CCNG1: variants seen among roughly 807,000 people sequenced by gnomAD.
CCNG1 encodes the protein cyclin-G1.
In CCNG1, 13 loss-of-function variants were observed where a neutral mutation model predicts 30.0. The observed-to-expected ratio is 0.43, with a 90% CI of 0.28 to 0.69. The LOEUF is 0.69. CCNG1 is among the 30% of genes least tolerant of loss of function. The pLI, the probability that CCNG1 is intolerant of heterozygous loss-of-function variation, is 0.16. For missense variants in CCNG1, 285 were observed against 331.4 expected (o/e 0.86, Z 1.09); for synonymous variants, 110 against 121.5 (o/e 0.91, Z 0.62).
chr5:163,451,523 A>G, the CCNG1 span: 1 of 152,228 alleles, frequency 6.6e-6, no homozygotes, highest in Non-Finnish European at 1.5e-5. Flanking sequence ...AGTTAATTTT[A>G]CTTTACTCAA....
chr5:163,437,671 C>G lies in CCNG1; in HGVS notation c.-134C>G, dbSNP rs1757550243. ...TGCCGAGGCCTCCACCCAGGACAGT[C>G]CCCCTCCCCGGGCCTCTCTCCTCTT... is the stretch of plus-strand genomic sequence containing the variant. On this transcript the variant is annotated 5_prime_UTR_variant, in exon 1 of 7. Coordinates refer to ENST00000340828, the MANE Select transcript of CCNG1 (RefSeq NM_004060.4). 1.3e-5 allele frequency: 2 copies of G among 152,324 alleles called. No homozygotes were observed. 9.4% of individuals were successfully genotyped at this position (152,324 alleles called of 1,614,324 possible). A position where few individuals can be genotyped will look rare whatever the true frequency, so the allele number is the denominator to read the frequency against.
downstream of CCNG1, chr5:163,447,592 A>C (rs1207978992): frequency 6.6e-6 from 1 of 152,242 alleles, no homozygotes; most frequent in Non-Finnish European, 1.5e-5. Context: ...GGAAAATGGA[A>C]TAATACTAAT....
At chr5:163,450,519 T>A (rs1258202063), downstream of CCNG1, 1 of 152,170 alleles carries the variant, frequency 6.6e-6, no homozygotes, top group Non-Finnish European at 1.5e-5. Context: ...ATAATTTGAA[T>A]AAACACTGCT....
chr5:163,442,204 A>G (rs2113368337), intron 5 of CCNG1, 61 bp downstream of exon 5: 2 of 1,207,162 alleles, frequency 1.7e-6, no homozygotes, highest in South Asian at 1.4e-5. Flanking sequence ...AACCCCTTCT[A>G]TCTCCTGAAG....
the CCNG1 span, chr5:163,454,102 C>T: frequency 1.1e-6 from 1 of 906,514 alleles, no homozygotes. Context: ...AGGAAAAATA[C>T]AAGTACAAAC....
rs1333871794 is a variant in CCNG1 at position 163,444,422 on chromosome 5, CTATTG to C, written c.*757_*761del. On this transcript the variant is annotated 3_prime_UTR_variant, in exon 7 of 7. Transcript: ENST00000340828. ...TGAATCCCATCAAGAAAACTAGTTT[CTATTG>C]TATTAGTAACTCAAAATAAATTATC... 6.6e-6 allele frequency: 1 copy of C among 152,582 alleles called. No individual in the cohort carries two copies. Among genetic ancestry groups the C allele is most frequent in the Non-Finnish European group, 1.5e-5 (1 of 68,010 alleles). The allele number at this position is 152,582 out of a possible 1,614,324, so 9.5% of individuals were successfully genotyped here.
chr5:163,443,989 G>C lies in CCNG1; in HGVS notation c.*319G>C. On this transcript the variant is annotated 3_prime_UTR_variant, in exon 7 of 7. Coordinates refer to ENST00000340828, the MANE Select transcript of CCNG1 (RefSeq NM_004060.4). ...TTAGATATTGGATCAATATATTTAG[G>C]TGGTATTGAAAATGCTATTGGAGGA... 2.9e-6 allele frequency: 1 copy of C among 346,978 alleles called. No homozygotes were observed. Among genetic ancestry groups the C allele is most frequent in the South Asian group, 5.7e-5 (1 of 17,626 alleles). The allele number at this position is 346,978 out of a possible 1,614,324, so 21.5% of individuals were successfully genotyped here.
At chr5:163,450,934 G>A (rs540064579), downstream of CCNG1, 2 of 152,340 alleles carry the variant, frequency 1.3e-5, no homozygotes, top group East Asian at 1.9e-4. Context: ...AAGTGCTACA[G>A]CCATACAATG....
the CCNG1 span, chr5:163,451,285 A>G: frequency 2.0e-5 from 3 of 152,184 alleles, no homozygotes; most frequent in Non-Finnish European, 4.4e-5. Flanking sequence ...TGTTACAATA[A>G]AGCGTTTTTC....
chr5:163,442,620 T>C (rs1757878280), intron 6 of CCNG1, 52 bp downstream of exon 6: 1 of 1,388,698 alleles, frequency 7.2e-7, no homozygotes, highest in Non-Finnish European at 9.9e-7. Flanking sequence ...TCCAATGCCA[T>C]AATTTTCAAC....
intron 2 of CCNG1, 28 bp from the exon 3 acceptor site, chr5:163,441,050 C>G (rs1757789063): frequency 6.3e-7 from 1 of 1,597,484 alleles, no homozygotes; most frequent in Admixed American, 1.8e-5. Context: ...GAGTCATGGG[C>G]TTACTGGTTT....
chr5:163,447,091 A>T (rs759951896), downstream of CCNG1: 1 of 152,244 alleles, frequency 6.6e-6, no homozygotes, highest in South Asian at 2.1e-4. Flanking sequence ...TAGGGACATT[A>T]TATAATGATA....
At chr5:163,446,841 C>G (rs1758049105), downstream of CCNG1, 1 of 152,040 alleles carries the variant, frequency 6.6e-6, no homozygotes, top group Non-Finnish European at 1.5e-5. Context: ...ATGGTGAAAC[C>G]CCATCTCTAC....
In CCNG1 at chr5:163,439,272, A is replaced by G; in HGVS notation, c.16A>G (p.Thr6Ala). The part of the protein sequence containing the change: MIEVL[T>A]TTDSQKLLHQ... ...CTATATATAGATGATAGAGGTACTGACAACAACTGACTCTCAGAAACTGCT... is the reference window on the plus strand; with the variant it reads ...CTATATATAGATGATAGAGGTACTGGCAACAACTGACTCTCAGAAACTGCT... Residue 6 changes from threonine to alanine, a missense_variant, in exon 2 of 7, where the codon ACA (threonine) becomes GCA (alanine). Physicochemically the swap from Thr to Ala is moderately conservative, Grantham distance 58 (BLOSUM62 0). Coordinates refer to ENST00000340828, the MANE Select transcript of CCNG1 (RefSeq NM_004060.4). 1 of 1,613,334 alleles carries G rather than the reference A, an allele frequency of 6.2e-7. No individual in the cohort carries two copies. The highest frequency in any genetic ancestry group is 8.5e-7 in the Non-Finnish European group (1 of 1,179,942).
At chr5:163,438,196 G>C (rs1252368650) in intron 1 of CCNG1, among the ~76,000 whole-genome samples, 1 of 152,092 alleles carries the variant, frequency 6.6e-6, no homozygotes, top group Non-Finnish European at 1.5e-5. Context: ...GAATTCCCAG[G>C]TTCATCTTTC....
At chr5:163,439,743 C>A in intron 2 of CCNG1, 1 of 419,678 alleles carries the variant, frequency 2.4e-6, no homozygotes, top group Non-Finnish European at 4.2e-6. Flanking sequence ...TATCAAGTAA[C>A]AAATTGCAGT....
At chr5:163,450,752 G>A (rs1758157945), downstream of CCNG1, 1 of 152,222 alleles carries the variant, frequency 6.6e-6, no homozygotes, top group Non-Finnish European at 1.5e-5. Context: ...GGGAAACAAT[G>A]ACAGCTCCTC....
the CCNG1 span, chr5:163,452,603 C>T: frequency 6.6e-6 from 1 of 152,102 alleles, no homozygotes; most frequent in Non-Finnish European, 1.5e-5. Context: ...ACTATCTTCT[C>T]AAGAAATAAT....
chr5:163,437,992 G>A (rs917628246), intron 1 of CCNG1, among the ~76,000 whole-genome samples, 188 bp downstream of exon 1: 1 of 152,168 alleles, frequency 6.6e-6, no homozygotes, highest in Non-Finnish European at 1.5e-5. Context: ...GGTGCCTTTC[G>A]TGTCTGCCGA....
Sources: gnomAD v4.1 joint callset for allele counts (sites outside exome capture counted in the v4.1 genomes callset) on GRCh38, gnomAD v4.1.1 for gene constraint, MANE v1.5 for transcripts, NCBI Gene and HGNC (gene_info 2026-07-23, HGNC 2026-07-21) for gene names.